CNNM2: variants seen among roughly 807,000 people sequenced by gnomAD.
CNNM2 encodes the protein cyclin and CBS domain divalent metal cation transport mediator 2.
A neutral mutation model predicts 66.9 loss-of-function variants in CNNM2; 12 were observed. The observed-to-expected ratio is 0.18, with a 90% CI of 0.11 to 0.29. The LOEUF (loss-of-function observed/expected upper bound fraction) is 0.29. Ranked by LOEUF, CNNM2 falls within the 10% of genes least tolerant of loss-of-function variation. CNNM2 has a pLI of 1.00. For missense variants in CNNM2, 705 were observed against 1,167.7 expected, an observed-to-expected ratio of 0.60 and a Z score of 5.77; for synonymous variants, 557 against 501.8, an observed-to-expected ratio of 1.11 and a Z score of -1.47.
At chr10:103,045,991 G>A (rs564800168) in intron 1 of CNNM2, among the ~76,000 whole-genome samples, 1 of 152,152 alleles carries the variant, frequency 6.6e-6, no homozygotes, top group South Asian at 2.1e-4. Flanking sequence ...ATATAGTGGG[G>A]TTTTTTCCCT....
chr10:103,012,253 A>C (rs2064357023), intron 1 of CNNM2, among the ~76,000 whole-genome samples: 2 of 152,210 alleles, frequency 1.3e-5, no homozygotes, highest in African/African-American at 4.8e-5. Context: ...GATTTGGCCA[A>C]ATTGCCCTCC....
rs867136157 is a variant in CNNM2, at chr10:103,023,320, C to T, written c.1622-26387C>T. ...TAATCCCAACACTTTGGGTGGCTGA[C>T]GGCAGGTGGATCACCTGAGGTCAGG... On this transcript the variant is annotated intron_variant, in intron 1 of 7. Coordinates refer to ENST00000369878, the MANE Select transcript of CNNM2 (RefSeq NM_017649.5). Among the ~76,000 whole-genome samples, 7 of 152,230 alleles carry T rather than the reference C, an allele frequency of 4.6e-5. No homozygotes were observed. In the South Asian group the frequency reaches 8.3e-4, roughly 18 times the overall value.
intron 5 of CNNM2, 56 bp downstream of exon 5, chr10:103,068,778 C>T (rs2065523404): frequency 1.5e-6 from 2 of 1,356,624 alleles, no homozygotes; most frequent in Non-Finnish European, 2.1e-6. Flanking sequence ...AGTAAGGCCC[C>T]TCTCCTTTCA....
intron 1 of CNNM2, among the ~76,000 whole-genome samples, chr10:102,942,229 A>G (rs954676932): frequency 6.6e-6 from 1 of 151,916 alleles, no homozygotes; most frequent in African/African-American, 2.4e-5. Flanking sequence ...ACGATTCAGT[A>G]GTATTAAGTA....
chr10:102,974,361 A>G (rs1030250610), intron 1 of CNNM2, among the ~76,000 whole-genome samples: 5 of 152,194 alleles, frequency 3.3e-5, no homozygotes, highest in Non-Finnish European at 7.4e-5. Context: ...GTTTGACTGG[A>G]CGAATGTAGA....
intron 1 of CNNM2, among the ~76,000 whole-genome samples, chr10:102,983,772 ATT>A (rs113443995): frequency 9.6e-5 from 14 of 145,754 alleles, no homozygotes; most frequent in East Asian, 4.1e-4. Context: ...TAAATTGTAA[ATT>A]TTTTTTTTTT....
At position 103,089,562 on chromosome 10, in the gene CNNM2, T is replaced by TC; in HGVS notation, c.*12383dup. ...TTCAGAAACTTTTCAGACGTACCTTTCATGGAGCCCCCTCCCTCCCCCGAG... is the reference window on the plus strand; with the variant it reads ...TTCAGAAACTTTTCAGACGTACCTTTCCATGGAGCCCCCTCCCTCCCCCGAG... On this transcript the variant is annotated 3_prime_UTR_variant, in exon 8 of 8. Coordinates refer to ENST00000369878, the MANE Select transcript of CNNM2 (RefSeq NM_017649.5). 1 of 1,424,018 alleles carries TC rather than the reference T, an allele frequency of 7.0e-7. No individual in the cohort carries two copies. Among genetic ancestry groups the TC allele is most frequent in the Non-Finnish European group, 9.2e-7 (1 of 1,087,014 alleles). 88.2% of individuals were successfully genotyped at this position (1,424,018 alleles called of 1,614,324 possible).
At chr10:103,010,336 C>G (rs1051142304) in intron 1 of CNNM2, among the ~76,000 whole-genome samples, 1 of 151,734 alleles carries the variant, frequency 6.6e-6, no homozygotes, top group South Asian at 2.1e-4. Flanking sequence ...CTCCTGGGGT[C>G]AGGTGATCCT....
intron 1 of CNNM2, among the ~76,000 whole-genome samples, chr10:102,964,950 G>A (rs894152261): frequency 1.3e-5 from 2 of 152,120 alleles, no homozygotes; most frequent in Middle Eastern, 3.2e-3. Context: ...GCTTCACTCA[G>A]CACTTGGCCC....
chr10:102,993,798 C>A (rs747488561), intron 1 of CNNM2, among the ~76,000 whole-genome samples: 3 of 152,182 alleles, frequency 2.0e-5, no homozygotes, highest in Non-Finnish European at 4.4e-5. Context: ...ACTTTTCCTT[C>A]CTTCCTTCCC....
At position 103,047,211 on chromosome 10, in the gene CNNM2, T is replaced by G. The variant is rs887155037; in HGVS notation, c.1622-2496T>G. On this transcript the variant is annotated intron_variant, in intron 1 of 7. Coordinates refer to ENST00000369878, the MANE Select transcript of CNNM2 (RefSeq NM_017649.5). ...TTAACCAAGTGATGAAAAAGGTGAATGTCAGCAGTGATGTCATATAACCAC... is the reference window on the plus strand; with the variant it reads ...TTAACCAAGTGATGAAAAAGGTGAAGGTCAGCAGTGATGTCATATAACCAC... 2.6e-5 allele frequency among the ~76,000 whole-genome samples: 4 copies of G among 152,284 alleles called. No homozygotes were observed. The East Asian group carries it at 7.7e-4, about 29-fold the overall frequency.
intron 1 of CNNM2, among the ~76,000 whole-genome samples, chr10:102,968,242 GTTGTT>G (rs992038153): frequency 3.9e-5 from 6 of 151,956 alleles, no homozygotes; most frequent in South Asian, 4.1e-4. Flanking sequence ...TGTTGTTGTT[GTTGTT>G]TTGTTTTGTT....
rs4917380 is a variant in CNNM2, at chr10:103,015,578, C to G, written c.1622-34129C>G. ...AATTAACAGAAAGGTGCCCGGCCGG[C>G]TGCAGTGGCTCACGCCTGTAATCAC... On this transcript the variant is annotated intron_variant, in intron 1 of 7. Transcript: ENST00000369878. Among the ~76,000 whole-genome samples the G allele has an allele frequency of 0.41, 61,961 of 151,872 alleles. 12,861 individuals carry two copies. Among genetic ancestry groups the G allele is most frequent in the East Asian group, 0.56 (2,885 of 5,148 alleles).
At chr10:102,960,062 A>AAAATAAAT (rs58969618) in intron 1 of CNNM2, among the ~76,000 whole-genome samples, 2 of 151,616 alleles carry the variant, frequency 1.3e-5, no homozygotes, top group Admixed American at 6.6e-5. Context: ...AAAAAAATAA[A>AAAATAAAT]AAATAAATAA....
intron 1 of CNNM2, among the ~76,000 whole-genome samples, chr10:102,984,388 G>C (rs528957616): frequency 1.2e-4 from 18 of 152,230 alleles, no homozygotes; most frequent in Admixed American, 2.6e-4. Context: ...GGAGTAAGAT[G>C]GCTTTAGGAA....
At chr10:103,024,146 A>G (rs2064649870) in intron 1 of CNNM2, among the ~76,000 whole-genome samples, 1 of 152,136 alleles carries the variant, frequency 6.6e-6, no homozygotes, top group African/African-American at 2.4e-5. Context: ...TTGCATTGTG[A>G]TATTATGCTT....
At position 103,063,812 on chromosome 10, in the gene CNNM2, A is replaced by G. The variant is rs544760286; in HGVS notation, c.2074-4817A>G. 3.9e-5 allele frequency among the ~76,000 whole-genome samples: 6 copies of G among 152,260 alleles called. No homozygotes were observed. In the South Asian group the frequency reaches 1.2e-3, roughly 32 times the overall value. Reference sequence around the variant, plus strand: ...ATGCTCGACTAGAGTAAACTTACAGATGTTTCAAAAGTAAAATCAATATGT... The same window carrying G: ...ATGCTCGACTAGAGTAAACTTACAGGTGTTTCAAAAGTAAAATCAATATGT... On this transcript the variant is annotated intron_variant, in intron 4 of 7. Coordinates refer to ENST00000369878, the MANE Select transcript of CNNM2 (RefSeq NM_017649.5).
rs1258352777 is a variant in CNNM2 at position 103,082,498 on chromosome 10, G to GT, written c.*5321dup. The GT allele has an allele frequency of 6.6e-6, 1 of 152,056 alleles. No homozygotes were observed. Among genetic ancestry groups the GT allele is most frequent in the Non-Finnish European group, 1.5e-5 (1 of 67,988 alleles). 9.4% of individuals were successfully genotyped at this position (152,056 alleles called of 1,614,324 possible). A position where few individuals can be genotyped will look rare whatever the true frequency, so the allele number is the denominator to read the frequency against. On this transcript the variant is annotated 3_prime_UTR_variant, in exon 8 of 8. Coordinates refer to ENST00000369878, the MANE Select transcript of CNNM2 (RefSeq NM_017649.5). Reference sequence around the variant, plus strand: ...AAGGTGAAGTTATCAATTTTTTCTTGTTTGAGTCCTTTAAACCCACAAATG... The same window carrying GT: ...AAGGTGAAGTTATCAATTTTTTCTTGTTTTGAGTCCTTTAAACCCACAAATG...
chr10:102,943,476 T>A (rs1024539458), intron 1 of CNNM2, among the ~76,000 whole-genome samples: 1 of 152,010 alleles, frequency 6.6e-6, no homozygotes, highest in Non-Finnish European at 1.5e-5. Flanking sequence ...CATACAAAAC[T>A]GGTAGGAGAT....
Sources: gnomAD v4.1 joint callset for allele counts (sites outside exome capture counted in the v4.1 genomes callset) on GRCh38, gnomAD v4.1.1 for gene constraint, MANE v1.5 for transcripts, NCBI Gene and HGNC (gene_info 2026-07-23, HGNC 2026-07-21) for gene names.